Variants in RNF169 observed in about 807,000 individuals in gnomAD.
RNF169 encodes the protein ring finger protein 169.
A neutral mutation model predicts 53.9 loss-of-function variants in RNF169; 24 were observed. That is an observed-to-expected ratio of 0.45 (90% CI 0.32 to 0.63). The LOEUF is 0.63. Ranked by LOEUF, RNF169 falls within the 20% of genes least tolerant of loss-of-function variation. The pLI, the probability that RNF169 is intolerant of heterozygous loss-of-function variation, is 0.04. For missense variants in RNF169, 883 were observed against 906.2 expected, an observed-to-expected ratio of 0.97 and a Z score of 0.33; for synonymous variants, 396 against 363.5, an observed-to-expected ratio of 1.09 and a Z score of -1.02.
intron 2 of RNF169, among the ~76,000 whole-genome samples, chr11:74,801,703 T>C (rs2035732172): frequency 6.6e-6 from 1 of 152,236 alleles, no homozygotes; most frequent in South Asian, 2.1e-4. Flanking sequence ...TCCCGGCTAC[T>C]CGGGAGGCTG....
intron 1 of RNF169, among the ~76,000 whole-genome samples, chr11:74,780,386 T>G (rs1190860364): frequency 6.6e-6 from 1 of 152,208 alleles, no homozygotes; most frequent in Non-Finnish European, 1.5e-5. Context: ...TATTCCAGTC[T>G]ATCTGACACA....
At chr11:74,813,933 G>A (rs968942642) in intron 3 of RNF169, among the ~76,000 whole-genome samples, 106 of 152,028 alleles carry the variant, frequency 7.0e-4, no homozygotes, top group African/African-American at 2.4e-3. Context: ...CTCGTGATCC[G>A]CCCGCCTCAG....
chr11:74,822,441 AT>A (rs1288389252), intron 4 of RNF169, among the ~76,000 whole-genome samples: 1 of 152,142 alleles, frequency 6.6e-6, no homozygotes, highest in Non-Finnish European at 1.5e-5. Context: ...GGCAGTGGAA[AT>A]TTTAAGCAAG....
chr11:74,756,042 T>C (rs1048083527), intron 1 of RNF169, among the ~76,000 whole-genome samples: 2 of 152,084 alleles, frequency 1.3e-5, no homozygotes, highest in African/African-American at 2.4e-5. Context: ...TAGGGGACTG[T>C]TTTAGTAGTT....
At chr11:74,817,486 G>A (rs1384932340) in intron 3 of RNF169, 110 bp from the exon 4 acceptor site, 2 of 695,170 alleles carry the variant, frequency 2.9e-6, no homozygotes, top group African/African-American at 3.6e-5. Context: ...GGAAACATAG[G>A]TTGGAGCTCA....
intron 1 of RNF169, among the ~76,000 whole-genome samples, chr11:74,760,290 T>C (rs1383300924): frequency 1.3e-5 from 2 of 152,138 alleles, no homozygotes; most frequent in Non-Finnish European, 2.9e-5. Context: ...TTTTGAAGGG[T>C]TTTTTATGTC....
intron 1 of RNF169, among the ~76,000 whole-genome samples, chr11:74,788,625 C>T (rs1010368753): frequency 6.6e-6 from 1 of 152,108 alleles, no homozygotes; most frequent in Non-Finnish European, 1.5e-5. Context: ...GAACTCCTGG[C>T]CTCAAGTGAT....
In RNF169 at chr11:74,834,735, C is replaced by A. The variant is rs375919416; in HGVS notation, c.902C>A (p.Ala301Glu). The stretch of plus-strand genomic sequence containing the variant: ...TGTAGTGACACAGCCCAGGAAAGAG[C>A]GAAGAGCAGAGTCAGAGCAGTTCCA... ...QSCSDTAQERAKSRVRAVPGN... is the reference protein window; with the variant it reads ...QSCSDTAQEREKSRVRAVPGN... Residue 301 changes from alanine (A) to glutamate (E), a missense_variant, in exon 5 of 6, where the codon GCG (alanine) becomes GAG (glutamate). Physicochemically the swap from Ala to Glu is moderately radical, Grantham distance 107. Coordinates refer to ENST00000299563, the MANE Select transcript of RNF169 (RefSeq NM_001098638.2). 1 of 1,613,812 alleles carries A rather than the reference C, an allele frequency of 6.2e-7. No homozygotes were observed. Among genetic ancestry groups the A allele is most frequent in the South Asian group, 1.1e-5 (1 of 91,032 alleles).
intron 1 of RNF169, among the ~76,000 whole-genome samples, chr11:74,763,713 G>A (rs1029148716): frequency 5.3e-5 from 8 of 152,162 alleles, no homozygotes; most frequent in African/African-American, 1.2e-4. Context: ...GATCCAACAT[G>A]TAATGGTACT....
At chr11:74,806,259 T>A (rs2035804120) in intron 2 of RNF169, among the ~76,000 whole-genome samples, 1 of 152,198 alleles carries the variant, frequency 6.6e-6, no homozygotes, top group Non-Finnish European at 1.5e-5. Context: ...ACATCTTTAG[T>A]CATTAGAGAA....
Position 74,837,656 on chromosome 11 carries a change from A to G in RNF169, c.*926A>G, listed in dbSNP as rs1445172250. ...GTTTCAGCCTATGAGACAAACTATA[A>G]TCAGGCTTCATTATTACTTTTCAAA... On this transcript the variant is annotated 3_prime_UTR_variant, in exon 6 of 6. Coordinates refer to ENST00000299563, the MANE Select transcript of RNF169 (RefSeq NM_001098638.2). 1 of 152,260 alleles carries G rather than the reference A, an allele frequency of 6.6e-6. No homozygotes were observed. Among genetic ancestry groups the G allele is most frequent in the Non-Finnish European group, 1.5e-5 (1 of 68,044 alleles). 9.4% of individuals were successfully genotyped at this position (152,260 alleles called of 1,614,324 possible). A position where few individuals can be genotyped will look rare whatever the true frequency, so the allele number is the denominator to read the frequency against.
intron 1 of RNF169, among the ~76,000 whole-genome samples, chr11:74,766,086 T>TA (rs1251915633): frequency 6.6e-6 from 1 of 152,018 alleles, no homozygotes; most frequent in Non-Finnish European, 1.5e-5. Flanking sequence ...AATGAAGATT[T>TA]AAAAAAACCT....
At position 74,795,608 on chromosome 11, in the gene RNF169, C is replaced by A. The variant is rs555252602; in HGVS notation, c.576+5909C>A. ...GGGCACATTGGCTCATGGCCATAATCCCAACACTTTGGGAGACTGAGGCAG... is the reference window on the plus strand; with the variant it reads ...GGGCACATTGGCTCATGGCCATAATACCAACACTTTGGGAGACTGAGGCAG... On this transcript the variant is annotated intron_variant, in intron 2 of 5. Transcript: ENST00000299563. Among the ~76,000 whole-genome samples, 3 of 152,376 alleles carry A rather than the reference C, an allele frequency of 2.0e-5. No individual in the cohort carries two copies. The South Asian group carries it at 6.2e-4, about 32-fold the overall frequency.
chr11:74,793,790 C>CT (rs1341995596), intron 2 of RNF169, among the ~76,000 whole-genome samples: 3 of 151,968 alleles, frequency 2.0e-5, no homozygotes, highest in East Asian at 1.9e-4. Flanking sequence ...AGTTAGTTGT[C>CT]TTTTTTTAAC....
intron 2 of RNF169, among the ~76,000 whole-genome samples, chr11:74,809,934 A>G (rs2035853283): frequency 6.6e-6 from 1 of 152,194 alleles, no homozygotes; most frequent in Non-Finnish European, 1.5e-5. Flanking sequence ...AATGTGTATT[A>G]TCTTAGCTTT....
At position 74,840,903 on chromosome 11, in the gene RNF169, G is replaced by A. The variant is rs575343984; in HGVS notation, c.*4173G>A. Reference sequence around the variant, plus strand: ...TAAAGTTTGACACACGCAGACACACGCACCAATGATGGGGATACCCCCAAA... The same window carrying A: ...TAAAGTTTGACACACGCAGACACACACACCAATGATGGGGATACCCCCAAA... On this transcript the variant is annotated 3_prime_UTR_variant, in exon 6 of 6. Transcript: ENST00000299563. 19 of 149,944 alleles carry A rather than the reference G, an allele frequency of 1.3e-4. No individual in the cohort carries two copies. Among genetic ancestry groups the A allele is most frequent in the African/African-American group, 3.4e-4 (14 of 40,784 alleles). The allele number at this position is 149,944 out of a possible 1,614,324, so 9.3% of individuals were successfully genotyped here.
At position 74,768,962 on chromosome 11, in the gene RNF169, C is replaced by CT. The variant is rs553474440; in HGVS notation, c.502+19583dup. Among the ~76,000 whole-genome samples, 489 of 152,128 alleles carry CT rather than the reference C, an allele frequency of 3.2e-3. 2 individuals carry two copies. The highest frequency in any genetic ancestry group is 5.3e-3 in the Non-Finnish European group (359 of 67,990). On this transcript the variant is annotated intron_variant, in intron 1 of 5. Transcript: ENST00000299563. ...TTCAGGAGGCTGAGGTGGAAGAATA[C>CT]TTTGAGTCCAGGAGTTTCGGGCTGC... is the stretch of plus-strand genomic sequence containing the variant.
chr11:74,834,828 C>T (rs918054359), intron 5 of RNF169, 53 bp downstream of exon 5: 83 of 1,188,068 alleles, frequency 7.0e-5, no homozygotes, highest in Non-Finnish European at 9.8e-5. Context: ...CCATCACCCC[C>T]TCTGCACATG....
At chr11:74,832,653 C>G (rs1308798978) in intron 4 of RNF169, 1 of 152,124 alleles carries the variant, frequency 6.6e-6, no homozygotes, top group African/African-American at 2.4e-5. Flanking sequence ...TTAAAAAAGT[C>G]TTTCTCAGGT....
Sources: allele counts gnomAD v4.1 joint callset (sites outside exome capture counted in the v4.1 genomes callset), GRCh38; gene constraint gnomAD v4.1.1; transcripts MANE v1.5; gene names NCBI Gene and HGNC (gene_info 2026-07-23, HGNC 2026-07-21).